MBNL1: variants seen among roughly 807,000 people sequenced by gnomAD.
MBNL1 encodes muscleblind like splicing regulator 1, also known as muscleblind-like protein 1.
MBNL1 carries 8 observed loss-of-function variants against 42.2 expected under a neutral mutation model. The ratio of observed to expected loss-of-function variants is 0.19; its 90% CI spans 0.11 to 0.34. The LOEUF (loss-of-function observed/expected upper bound fraction) is 0.34. Among genes scored for constraint, MBNL1 ranks in the 10% least tolerant of loss-of-function variants. The pLI is 1.00. For synonymous variants in MBNL1, 169 were observed against 173.9 expected (o/e 0.97, Z 0.22); for missense variants, 309 against 495.3 (o/e 0.62, Z 3.57).
At chr3:152,450,335 A>G (rs1720046431) in intron 6 of MBNL1, among the ~76,000 whole-genome samples, 1 of 152,168 alleles carries the variant, frequency 6.6e-6, no homozygotes, top group African/African-American at 2.4e-5. Context: ...TCATTATATA[A>G]TATATACCTG....
intron 4 of MBNL1, among the ~76,000 whole-genome samples, chr3:152,440,233 G>A (rs923293111): frequency 6.6e-6 from 1 of 152,026 alleles, no homozygotes; most frequent in Admixed American, 6.6e-5. Flanking sequence ...GAATTTTTTT[G>A]GAAGGAGAAA....
At chr3:152,419,204 T>C (rs1275350958) in intron 3 of MBNL1, among the ~76,000 whole-genome samples, 1 of 152,066 alleles carries the variant, frequency 6.6e-6, no homozygotes. Context: ...TTTAATCATA[T>C]GTTCTTTGAG....
intron 3 of MBNL1, among the ~76,000 whole-genome samples, chr3:152,424,901 C>G (rs2098890730): frequency 6.6e-6 from 1 of 152,102 alleles, no homozygotes. Context: ...CCCTTTCTTG[C>G]ACCTTATACG....
intron 2 of MBNL1, chr3:152,340,195 A>AC (rs1354820454): frequency 4.7e-6 from 1 of 213,098 alleles, no homozygotes; most frequent in African/African-American, 2.3e-5. Context: ...GGTAGCAGGC[A>AC]CCTGTAGTCC....
chr3:152,439,856 A>G (rs67033256), intron 4 of MBNL1, among the ~76,000 whole-genome samples: 19,039 of 151,640 alleles, frequency 0.13, 1,309 homozygotes, highest in Middle Eastern at 0.19. Context: ...TCAAGTAGTA[A>G]TAATAATAAT....
intron 7 of MBNL1, 49 bp from the exon 8 acceptor site, chr3:152,456,218 A>G: frequency 7.8e-7 from 1 of 1,287,974 alleles, no homozygotes; most frequent in Non-Finnish European, 1.1e-6. Flanking sequence ...TGGTTTCCAT[A>G]TTGCTACACT....
intron 2 of MBNL1, among the ~76,000 whole-genome samples, chr3:152,314,613 G>A (rs1294143814): frequency 6.6e-6 from 1 of 152,130 alleles, no homozygotes; most frequent in Non-Finnish European, 1.5e-5. Flanking sequence ...AACCTCAGGC[G>A]ATCCGCCTGT....
At chr3:152,413,540 C>T (rs1380685694) in intron 2 of MBNL1, among the ~76,000 whole-genome samples, 1 of 152,140 alleles carries the variant, frequency 6.6e-6, no homozygotes, top group Admixed American at 6.5e-5. Context: ...CAAGCAGTAT[C>T]CTATGATTCT....
intron 2 of MBNL1, among the ~76,000 whole-genome samples, chr3:152,305,989 A>G (rs539814840): frequency 2.0e-5 from 3 of 152,324 alleles, no homozygotes; most frequent in African/African-American, 7.2e-5. Context: ...TGTGTTTTGA[A>G]AATTACTGAT....
chr3:152,454,574 A>G (rs762206563), intron 6 of MBNL1, among the ~76,000 whole-genome samples: 17 of 152,330 alleles, frequency 1.1e-4, no homozygotes, highest in Non-Finnish European at 1.9e-4. Flanking sequence ...TTACATGTCA[A>G]AGAGAACAAG....
At chr3:152,313,914 G>A (rs1184307030) in intron 2 of MBNL1, among the ~76,000 whole-genome samples, 1 of 152,166 alleles carries the variant, frequency 6.6e-6, no homozygotes, top group Non-Finnish European at 1.5e-5. Flanking sequence ...AATTCATTTT[G>A]TAAATGCAGT....
intron 2 of MBNL1, among the ~76,000 whole-genome samples, chr3:152,252,134 A>ACCTTTCTT (rs2034661060): frequency 9.7e-6 from 1 of 102,836 alleles, no homozygotes; most frequent in Admixed American, 1.0e-4. Flanking sequence ...AAACTAACCT[A>ACCTTTCTT]CCTTCCTTCC....
chr3:152,255,246 T>A (rs1191489592), intron 2 of MBNL1, among the ~76,000 whole-genome samples: 1 of 152,176 alleles, frequency 6.6e-6, no homozygotes, highest in Admixed American at 6.6e-5. Context: ...AAAGCTGAAC[T>A]ATTGAAATTG....
intron 2 of MBNL1, among the ~76,000 whole-genome samples, chr3:152,368,055 T>A (rs2096493522): frequency 6.6e-6 from 1 of 152,118 alleles, no homozygotes; most frequent in African/African-American, 2.4e-5. Context: ...CAATTTTGGC[T>A]TTTGGTGTTT....
chr3:152,368,144 G>A (rs1184354658), intron 2 of MBNL1, among the ~76,000 whole-genome samples: 1 of 152,052 alleles, frequency 6.6e-6, no homozygotes, highest in African/African-American at 2.4e-5. Flanking sequence ...ATGGTTTTAG[G>A]TCTTATGTTT....
chr3:152,332,700 GTGT>G (rs2085698187), intron 2 of MBNL1, among the ~76,000 whole-genome samples: 1 of 101,522 alleles, frequency 9.9e-6, no homozygotes, highest in Non-Finnish European at 2.1e-5. Context: ...TTTTGTGTGT[GTGT>G]GTGTGTGTGT....
At chr3:152,392,708 A>G (rs1176863154) in intron 2 of MBNL1, among the ~76,000 whole-genome samples, 2 of 152,228 alleles carry the variant, frequency 1.3e-5, no homozygotes, top group Non-Finnish European at 1.5e-5. Flanking sequence ...TGGGTAAGAT[A>G]TACACAGAGA....
intron 1 of MBNL1, among the ~76,000 whole-genome samples, chr3:152,289,529 A>G (rs1187832454): frequency 6.6e-6 from 1 of 152,048 alleles, no homozygotes; most frequent in Non-Finnish European, 1.5e-5. Flanking sequence ...GTCTTGAGTC[A>G]GTGTTAGTCA....
intron 2 of MBNL1, among the ~76,000 whole-genome samples, chr3:152,350,074 C>G (rs973696426): frequency 1.3e-5 from 2 of 152,090 alleles, no homozygotes; most frequent in Middle Eastern, 3.4e-3. Flanking sequence ...AAGAAGGAAT[C>G]TAAAGACAAA....
Sources: allele counts gnomAD v4.1 joint callset (sites outside exome capture counted in the v4.1 genomes callset), GRCh38; gene constraint gnomAD v4.1.1; transcripts MANE v1.5; gene names NCBI Gene and HGNC (gene_info 2026-07-23, HGNC 2026-07-21).